Variants in ARSB observed in about 807,000 individuals in gnomAD.
ARSB encodes the protein N-acetylgalactosamine-4-sulfatase.
Under a neutral mutation model 50.9 loss-of-function variants are expected in ARSB, and 41 were observed. The observed-to-expected ratio is 0.81, with a 90% CI of 0.63 to 1.04. The LOEUF is 1.04. ARSB is among the 50% of genes least tolerant of loss of function. ARSB has a pLI of 0.00. For missense variants in ARSB, 672 were observed against 693.3 expected, an observed-to-expected ratio of 0.97 and a Z score of 0.35; for synonymous variants, 269 against 284.8, an observed-to-expected ratio of 0.94 and a Z score of 0.56.
rs949358366 is a variant in ARSB at position 78,779,242 on chromosome 5, T to G, written c.*1155A>C. 5 of 151,964 alleles carry G rather than the reference T, an allele frequency of 3.3e-5. No individual in the cohort carries two copies. The highest frequency in any genetic ancestry group is 7.4e-5 in the Non-Finnish European group (5 of 68,016). 9.4% of individuals were successfully genotyped at this position (151,964 alleles called of 1,614,324 possible). ...CTGCAGGTGTCAAACTGCATCCTCT[T>G]TGCCAGACCCCAGAACCTCAAAACA... On this transcript the variant is annotated 3_prime_UTR_variant, in exon 8 of 8. Coordinates refer to ENST00000264914, the MANE Select transcript of ARSB (RefSeq NM_000046.5).
intron 1 of ARSB, among the ~76,000 whole-genome samples, chr5:78,973,811 C>T (rs753415631): frequency 4.6e-5 from 7 of 152,158 alleles, no homozygotes; most frequent in Non-Finnish European, 8.8e-5. Context: ...GATAATATCC[C>T]GTTGAACAGA....
intron 6 of ARSB, among the ~76,000 whole-genome samples, chr5:78,808,201 T>C (rs1431819092): frequency 1.3e-5 from 2 of 151,518 alleles, no homozygotes; most frequent in Non-Finnish European, 2.9e-5. Flanking sequence ...AATCATCAAC[T>C]TGTGGCCAAT....
At chr5:78,789,535 G>A (rs1043215376) in intron 6 of ARSB, among the ~76,000 whole-genome samples, 1 of 152,172 alleles carries the variant, frequency 6.6e-6, no homozygotes, top group Non-Finnish European at 1.5e-5. Context: ...AGTTCTTAAC[G>A]ATGCATGTAC....
chr5:78,831,026 A>G lies in ARSB; in HGVS notation c.1213+8330T>C, dbSNP rs189489361. Among the ~76,000 whole-genome samples the G allele has an allele frequency of 6.0e-4, 92 of 152,294 alleles. No homozygotes were observed. In the East Asian group the frequency reaches 0.015, roughly 26 times the overall value. ...GGCTTTATTCCTGATTAAGGAAGTCACATGTGCTCATAATTTAAAATTAAA... is the reference window on the plus strand; with the variant it reads ...GGCTTTATTCCTGATTAAGGAAGTCGCATGTGCTCATAATTTAAAATTAAA... On this transcript the variant is annotated intron_variant, in intron 6 of 7. Coordinates refer to ENST00000264914, the MANE Select transcript of ARSB (RefSeq NM_000046.5).
chr5:78,808,067 T>G (rs1580988796), intron 6 of ARSB, among the ~76,000 whole-genome samples: 1 of 107,042 alleles, frequency 9.3e-6, no homozygotes, highest in African/African-American at 4.0e-5. Flanking sequence ...CACTCCAGCC[T>G]GGGCGACAGA....
At chr5:78,787,090 C>CTAT (rs1561424275) in intron 6 of ARSB, among the ~76,000 whole-genome samples, 58 of 140,684 alleles carry the variant, frequency 4.1e-4, no homozygotes, top group African/African-American at 1.1e-3. Context: ...AAATCGATAA[C>CTAT]CATCTATCTA....
rs57832216 is a variant in ARSB at position 78,795,842 on chromosome 5, A to G, written c.1214-13868T>C. Among the ~76,000 whole-genome samples the G allele has an allele frequency of 5.0e-4, 76 of 152,354 alleles. 1 individual carries two copies. The East Asian group carries it at 0.013, about 26-fold the overall frequency. ...TTATGATTTTCAGTTTACAAAGTCA[A>G]TTTCTCTGACACCTACTCACTCAGT... is the stretch of plus-strand genomic sequence containing the variant. On this transcript the variant is annotated intron_variant, in intron 6 of 7. Transcript: ENST00000264914.
At chr5:78,964,893 G>A (rs1456826323) in intron 2 of ARSB, among the ~76,000 whole-genome samples, 1 of 151,994 alleles carries the variant, frequency 6.6e-6, no homozygotes, top group East Asian at 1.9e-4. Flanking sequence ...CAGTAAGGGT[G>A]ATAAAATCTC....
intron 4 of ARSB, among the ~76,000 whole-genome samples, chr5:78,949,672 G>C (rs987687923): frequency 1.3e-5 from 2 of 152,210 alleles, no homozygotes; most frequent in Non-Finnish European, 2.9e-5. Flanking sequence ...CACTCTGAGA[G>C]GCTGAGGTGG....
At chr5:78,859,205 G>A (rs766587711) in intron 5 of ARSB, among the ~76,000 whole-genome samples, 1 of 152,120 alleles carries the variant, frequency 6.6e-6, no homozygotes, top group Non-Finnish European at 1.5e-5. Flanking sequence ...TATAGGCACG[G>A]AAATTAGAAA....
chr5:78,915,124 T>C (rs1422756232), intron 4 of ARSB, among the ~76,000 whole-genome samples: 1 of 152,246 alleles, frequency 6.6e-6, no homozygotes, highest in Non-Finnish European at 1.5e-5. Context: ...ACTTTCCCTT[T>C]TGTCAAACAA....
At chr5:78,985,422 C>T (rs1753145467), upstream of ARSB, 1 of 530,800 alleles carries the variant, frequency 1.9e-6, no homozygotes, top group Non-Finnish European at 2.7e-6. Context: ...ACCCGGGCCC[C>T]CGGCTGCTGT....
chr5:78,796,100 A>G (rs1405485761), intron 6 of ARSB, among the ~76,000 whole-genome samples: 1 of 152,220 alleles, frequency 6.6e-6, no homozygotes, highest in Non-Finnish European at 1.5e-5. Flanking sequence ...TGAATCCTCA[A>G]CTCATGACCG....
At chr5:78,809,852 C>T (rs1461058274) in intron 6 of ARSB, among the ~76,000 whole-genome samples, 1 of 152,240 alleles carries the variant, frequency 6.6e-6, no homozygotes, top group African/African-American at 2.4e-5. Context: ...GCTACAGGCC[C>T]ATTGCTTTGG....
intron 6 of ARSB, among the ~76,000 whole-genome samples, chr5:78,795,813 A>T (rs1014353842): frequency 2.6e-5 from 4 of 152,208 alleles, no homozygotes; most frequent in Admixed American, 6.5e-5. Flanking sequence ...AATGAATCTT[A>T]AGTTTATGAT....
intron 4 of ARSB, among the ~76,000 whole-genome samples, chr5:78,889,232 A>G (rs1748173264): frequency 6.6e-6 from 1 of 152,274 alleles, no homozygotes; most frequent in African/African-American, 2.4e-5. Flanking sequence ...CTCTTTTGCA[A>G]CAAGGTGGAA....
intron 6 of ARSB, among the ~76,000 whole-genome samples, chr5:78,836,563 C>G (rs140663315): frequency 6.6e-6 from 1 of 152,212 alleles, no homozygotes; most frequent in Admixed American, 6.5e-5. Context: ...AATGTCCTTA[C>G]AGTCTATGGA....
At chr5:78,850,746 TG>T (rs1356137993) in intron 5 of ARSB, among the ~76,000 whole-genome samples, 1 of 152,216 alleles carries the variant, frequency 6.6e-6, no homozygotes. Flanking sequence ...AGCCTGTTAT[TG>T]GTCTATTCAG....
At chr5:78,871,767 A>C in intron 5 of ARSB, among the ~76,000 whole-genome samples, 1 of 138,470 alleles carries the variant, frequency 7.2e-6, no homozygotes, top group East Asian at 2.0e-4. Flanking sequence ...CAAGGACTTC[A>C]TGTCCAAAAC....
Sources: gnomAD v4.1 joint callset for allele counts (sites outside exome capture counted in the v4.1 genomes callset) on GRCh38, gnomAD v4.1.1 for gene constraint, MANE v1.5 for transcripts, NCBI Gene and HGNC (gene_info 2026-07-23, HGNC 2026-07-21) for gene names.